Variants in STXBP4 observed in about 807,000 individuals in gnomAD.
The protein encoded by STXBP4 is syntaxin-binding protein 4.
In STXBP4, 55 loss-of-function variants were observed where a neutral mutation model predicts 76.1. The ratio of observed to expected loss-of-function variants is 0.72; its 90% CI spans 0.58 to 0.91. STXBP4 has a LOEUF of 0.91. STXBP4 is among the 40% of genes least tolerant of loss of function. The pLI is 0.00. For missense variants in STXBP4, 618 were observed against 636.9 expected (o/e 0.97, Z 0.32); for synonymous variants, 201 against 220.2 (o/e 0.91, Z 0.77).
intron 8 of STXBP4, among the ~76,000 whole-genome samples, chr17:55,015,796 G>A (rs754174379): frequency 2.6e-5 from 4 of 152,048 alleles, no homozygotes; most frequent in Non-Finnish European, 5.9e-5. Flanking sequence ...AGGGCTTCCT[G>A]TAGGGCATAA....
At chr17:55,134,486 C>T (rs2080006713) in intron 16 of STXBP4, among the ~76,000 whole-genome samples, 1 of 151,910 alleles carries the variant, frequency 6.6e-6, no homozygotes, top group African/African-American at 2.4e-5. Flanking sequence ...CATGAAGATC[C>T]ATTATTTCAT....
At chr17:55,056,221 A>T (rs2078921125) in intron 12 of STXBP4, among the ~76,000 whole-genome samples, 1 of 152,148 alleles carries the variant, frequency 6.6e-6, no homozygotes, top group African/African-American at 2.4e-5. Context: ...GATTTATCTA[A>T]AATATTACTT....
At chr17:55,202,357 G>A in the STXBP4 span, among the ~76,000 whole-genome samples, 4 of 151,870 alleles carry the variant, frequency 2.6e-5, no homozygotes, top group Admixed American at 6.6e-5. Flanking sequence ...TATTGAGTAG[G>A]ACTAAACAGG....
chr17:55,014,488 G>A (rs1208596293), intron 8 of STXBP4, among the ~76,000 whole-genome samples: 3 of 152,112 alleles, frequency 2.0e-5, no homozygotes, highest in Non-Finnish European at 2.9e-5. Flanking sequence ...AGGACCCCTC[G>A]GATAGTGACA....
At chr17:55,150,372 C>T (rs907762360) in intron 17 of STXBP4, among the ~76,000 whole-genome samples, 3 of 152,170 alleles carry the variant, frequency 2.0e-5, no homozygotes, top group Admixed American at 1.3e-4. Context: ...AGAGATATCT[C>T]TGGTGTCTCT....
intron 4 of STXBP4, among the ~76,000 whole-genome samples, chr17:54,998,626 T>G (rs922710901): frequency 6.6e-6 from 1 of 152,170 alleles, no homozygotes; most frequent in African/African-American, 2.4e-5. Flanking sequence ...CAACTAGGCC[T>G]TAATCATAGG....
At chr17:54,987,095 T>C (rs1456757789) in intron 3 of STXBP4, among the ~76,000 whole-genome samples, 1 of 152,190 alleles carries the variant, frequency 6.6e-6, no homozygotes, top group Non-Finnish European at 1.5e-5. Flanking sequence ...GGAGTGGAGA[T>C]ACAGACTTTG....
chr17:55,149,321 C>A lies in STXBP4; in HGVS notation c.1547+7954C>A, dbSNP rs1251374006. Among the ~76,000 whole-genome samples the A allele has an allele frequency of 5.3e-5, 8 of 151,646 alleles. No homozygotes were observed. In the East Asian group the frequency reaches 1.5e-3, roughly 29 times the overall value. On this transcript the variant is annotated intron_variant, in intron 17 of 17. Coordinates refer to ENST00000376352, the MANE Select transcript of STXBP4 (RefSeq NM_178509.6). Reference sequence around the variant, plus strand: ...TATTGTTGTTGGCAGTCTGCGGAAGCAATTGATGGGGAAAAAAATAAGGGC... The same window carrying A: ...TATTGTTGTTGGCAGTCTGCGGAAGAAATTGATGGGGAAAAAAATAAGGGC...
Position 55,147,805 on chromosome 17 carries a change from C to T in STXBP4, c.1547+6438C>T, listed in dbSNP as rs200522175. On this transcript the variant is annotated intron_variant, in intron 17 of 17. Transcript: ENST00000376352. ...ATCTCTGTCTGTTGATAATAGCTGT[C>T]TCAAGTATTATTTTGAGAAGAATTC... Among the ~76,000 whole-genome samples, 31 of 152,258 alleles carry T rather than the reference C, an allele frequency of 2.0e-4. No individual in the cohort carries two copies. The East Asian group carries it at 5.8e-3, about 28-fold the overall frequency.
At chr17:54,988,281 G>T (rs954728468) in intron 3 of STXBP4, among the ~76,000 whole-genome samples, 3 of 152,158 alleles carry the variant, frequency 2.0e-5, no homozygotes, top group Non-Finnish European at 4.4e-5. Context: ...ACTTTGTTGG[G>T]ATTAGAAAAG....
chr17:55,007,175 C>T (rs1008709630), intron 7 of STXBP4, among the ~76,000 whole-genome samples: 1 of 151,624 alleles, frequency 6.6e-6, no homozygotes, highest in African/African-American at 2.4e-5. Flanking sequence ...CTGTCTCTAA[C>T]TAAATATACA....
chr17:55,187,852 A>C, the STXBP4 span, among the ~76,000 whole-genome samples: 1 of 152,236 alleles, frequency 6.6e-6, no homozygotes, highest in Non-Finnish European at 1.5e-5. Flanking sequence ...AGGCAGACAT[A>C]AGAATTAAAG....
chr17:55,211,817 T>G, the STXBP4 span, among the ~76,000 whole-genome samples: 2 of 134,564 alleles, frequency 1.5e-5, no homozygotes, highest in Non-Finnish European at 3.2e-5. Context: ...TTTTTTTTTT[T>G]TTTTTTTTTT....
At chr17:55,006,045 T>G (rs2078002900) in intron 7 of STXBP4, among the ~76,000 whole-genome samples, 1 of 152,078 alleles carries the variant, frequency 6.6e-6, no homozygotes, top group Admixed American at 6.6e-5. Flanking sequence ...ACACTATGTA[T>G]ATATTATTTT....
intron 16 of STXBP4, among the ~76,000 whole-genome samples, chr17:55,096,815 T>A (rs2079492844): frequency 6.6e-6 from 1 of 152,158 alleles, no homozygotes; most frequent in African/African-American, 2.4e-5. Flanking sequence ...CACTCCTCCA[T>A]AAAGTGAGCT....
At chr17:55,040,869 G>C (rs1172032354) in intron 10 of STXBP4, among the ~76,000 whole-genome samples, 1 of 152,130 alleles carries the variant, frequency 6.6e-6, no homozygotes, top group Non-Finnish European at 1.5e-5. Flanking sequence ...AATTGTTGCT[G>C]TTAAATAACA....
chr17:55,044,271 A>G (rs2078754587), intron 11 of STXBP4: 1 of 152,010 alleles, frequency 6.6e-6, no homozygotes, highest in African/African-American at 2.4e-5. Context: ...CAACATAACT[A>G]CTTGATTTAC....
intron 4 of STXBP4, among the ~76,000 whole-genome samples, chr17:54,993,116 C>T (rs1232128062): frequency 6.6e-6 from 1 of 152,148 alleles, no homozygotes; most frequent in Non-Finnish European, 1.5e-5. Context: ...CTGAATGACT[C>T]TTTATCTTCT....
intron 1 of STXBP4, among the ~76,000 whole-genome samples, chr17:54,973,143 C>T (rs7220528): frequency 0.02 from 2,990 of 152,302 alleles, 68 homozygotes; most frequent in East Asian, 0.13. Flanking sequence ...TTTTCCCAAG[C>T]TCAGCGCATG....
Sources: gnomAD v4.1 joint callset for allele counts (sites outside exome capture counted in the v4.1 genomes callset) on GRCh38, gnomAD v4.1.1 for gene constraint, MANE v1.5 for transcripts, NCBI Gene and HGNC (gene_info 2026-07-23, HGNC 2026-07-21) for gene names.